Variants in PARD3B observed in about 807,000 individuals in gnomAD.
The protein encoded by PARD3B is par-3 family cell polarity regulator beta.
In PARD3B, 103 loss-of-function variants were observed where a neutral mutation model predicts 130.2. The observed-to-expected ratio is 0.79, with a 90% confidence interval of 0.67 to 0.93. PARD3B has a LOEUF of 0.93. Among genes scored for constraint, PARD3B ranks in the 40% least tolerant of loss-of-function variants. The probability of loss-of-function intolerance (pLI) is 0.00; values close to 1 mark genes in which losing one functional copy is unlikely to be tolerated. For missense variants in PARD3B, 1,609 were observed against 1,499.2 expected (o/e 1.07, Z -1.21); for synonymous variants, 583 against 553.2 (o/e 1.05, Z -0.76).
At chr2:204,994,735 C>G (rs1344282555) in intron 3 of PARD3B, among the ~76,000 whole-genome samples, 1 of 145,462 alleles carries the variant, frequency 6.9e-6, no homozygotes, top group African/African-American at 2.5e-5. Context: ...GTAGGTCACT[C>G]AGGACTTGCT....
At position 205,159,500 on chromosome 2, in the gene PARD3B, A is replaced by G. The variant is rs529351406; in HGVS notation, c.1620+593A>G. Among the ~76,000 whole-genome samples, 9 of 152,336 alleles carry G rather than the reference A, an allele frequency of 5.9e-5. No homozygotes were observed. In the South Asian group the frequency reaches 1.2e-3, roughly 21 times the overall value. Reference sequence around the variant, plus strand: ...GGTGAGTATAGTGTACTGGTTAGCTAGATGGCCGGTGTTCAAGTCCAGCTC... The same window carrying G: ...GGTGAGTATAGTGTACTGGTTAGCTGGATGGCCGGTGTTCAAGTCCAGCTC... On this transcript the variant is annotated intron_variant, in intron 11 of 22. Coordinates refer to ENST00000406610, the MANE Select transcript of PARD3B (RefSeq NM_001302769.2).
chr2:204,786,358 T>C (rs1206141522), intron 2 of PARD3B, among the ~76,000 whole-genome samples: 1 of 152,100 alleles, frequency 6.6e-6, no homozygotes, highest in Non-Finnish European at 1.5e-5. Flanking sequence ...TGTTGGAATC[T>C]GTAAAATGAG....
intron 10 of PARD3B, among the ~76,000 whole-genome samples, chr2:205,136,805 T>TATCTA (rs1559474896): frequency 2.0e-5 from 3 of 152,224 alleles, no homozygotes; most frequent in Non-Finnish European, 2.9e-5. Flanking sequence ...CAAAGAAAGG[T>TATCTA]TGATGTTCAG....
At chr2:205,152,125 G>A (rs531396812) in intron 10 of PARD3B, among the ~76,000 whole-genome samples, 8 of 152,328 alleles carry the variant, frequency 5.3e-5, no homozygotes, top group African/African-American at 1.9e-4. Flanking sequence ...TCTGCCAAGA[G>A]ATCAGCTGTT....
intron 2 of PARD3B, among the ~76,000 whole-genome samples, chr2:204,762,700 G>T (rs2040956110): frequency 6.6e-6 from 1 of 150,852 alleles, no homozygotes; most frequent in East Asian, 1.9e-4. Flanking sequence ...GTTTTCTTTA[G>T]TGTGATGATT....
chr2:204,592,031 C>T (rs2033092582), intron 1 of PARD3B, among the ~76,000 whole-genome samples: 1 of 152,182 alleles, frequency 6.6e-6, no homozygotes, highest in Non-Finnish European at 1.5e-5. Context: ...CTTTTGTAAT[C>T]TGAAATGGAA....
At chr2:205,504,526 T>C (rs568942349) in intron 21 of PARD3B, among the ~76,000 whole-genome samples, 1 of 152,110 alleles carries the variant, frequency 6.6e-6, no homozygotes, top group Non-Finnish European at 1.5e-5. Flanking sequence ...GAATCTACAA[T>C]GAACTCCAAC....
intron 19 of PARD3B, among the ~76,000 whole-genome samples, chr2:205,410,628 C>T (rs1405616646): frequency 1.3e-5 from 2 of 151,968 alleles, no homozygotes; most frequent in African/African-American, 4.8e-5. Flanking sequence ...TTCTGTAGGC[C>T]GGTTTGGGGC....
chr2:205,102,175 G>A (rs1053841802), intron 4 of PARD3B, among the ~76,000 whole-genome samples: 1 of 152,030 alleles, frequency 6.6e-6, no homozygotes, highest in East Asian at 1.9e-4. Context: ...CTCTGGCTCA[G>A]AGAAACTGTG....
intron 2 of PARD3B, among the ~76,000 whole-genome samples, chr2:204,777,185 C>G (rs1673246829): frequency 1.3e-5 from 2 of 152,166 alleles, no homozygotes; most frequent in African/African-American, 4.8e-5. Flanking sequence ...CCAGTAGAGA[C>G]CAAATAACTT....
chr2:204,884,736 C>A (rs2046209873), intron 2 of PARD3B, among the ~76,000 whole-genome samples: 1 of 152,208 alleles, frequency 6.6e-6, no homozygotes, highest in Admixed American at 6.5e-5. Context: ...GCATCAATTT[C>A]TTAGGTTGCT....
At chr2:204,862,760 T>C (rs920652877) in intron 2 of PARD3B, among the ~76,000 whole-genome samples, 1 of 152,202 alleles carries the variant, frequency 6.6e-6, no homozygotes, top group Admixed American at 6.5e-5. Flanking sequence ...CAGTTTAGTT[T>C]AAACCAGGTT....
At chr2:205,196,472 C>T (rs2036687867) in intron 15 of PARD3B, among the ~76,000 whole-genome samples, 1 of 151,934 alleles carries the variant, frequency 6.6e-6, no homozygotes, top group African/African-American at 2.4e-5. Context: ...TTTTTTGCAA[C>T]CCATTATTTG....
intron 2 of PARD3B, among the ~76,000 whole-genome samples, chr2:204,902,591 C>G (rs537650777): frequency 6.7e-6 from 1 of 149,638 alleles, no homozygotes; most frequent in East Asian, 2.0e-4. Flanking sequence ...ATGGCGTGAA[C>G]CCGGGAGGCG....
chr2:204,702,559 C>G (rs1484823716), intron 2 of PARD3B, among the ~76,000 whole-genome samples: 8 of 151,860 alleles, frequency 5.3e-5, no homozygotes, highest in African/African-American at 1.5e-4. Flanking sequence ...GTGTTCGTGT[C>G]TTTTGCCTAT....
chr2:204,950,486 C>G (rs1047533547), intron 2 of PARD3B, among the ~76,000 whole-genome samples: 1 of 151,956 alleles, frequency 6.6e-6, no homozygotes, highest in Non-Finnish European at 1.5e-5. Flanking sequence ...CCAGTAGATG[C>G]GAGGGCGTGC....
At chr2:205,573,003 C>A (rs1226218291) in intron 22 of PARD3B, among the ~76,000 whole-genome samples, 2 of 152,130 alleles carry the variant, frequency 1.3e-5, no homozygotes, top group African/African-American at 2.4e-5. Flanking sequence ...GCAAACAGAT[C>A]CTTCTTCACA....
intron 15 of PARD3B, among the ~76,000 whole-genome samples, chr2:205,225,905 C>G (rs1011676710): frequency 1.3e-5 from 2 of 152,160 alleles, no homozygotes; most frequent in Non-Finnish European, 2.9e-5. Flanking sequence ...AGAGACAAAC[C>G]ATATCAGATG....
chr2:205,169,489 C>CT (rs1402077953), intron 11 of PARD3B, among the ~76,000 whole-genome samples: 1 of 152,290 alleles, frequency 6.6e-6, no homozygotes, highest in East Asian at 1.9e-4. Context: ...ATCTTCTTGT[C>CT]TGTTATCTAC....
Sources: gnomAD v4.1 joint callset for allele counts (sites outside exome capture counted in the v4.1 genomes callset) on GRCh38, gnomAD v4.1.1 for gene constraint, MANE v1.5 for transcripts, NCBI Gene and HGNC (gene_info 2026-07-23, HGNC 2026-07-21) for gene names.